The following CENPP variants were observed in gnomAD, a reference collection of about 807,000 sequenced individuals.
The protein encoded by CENPP is centromere protein P.
CENPP carries 24 observed loss-of-function variants against 35.6 expected under a neutral mutation model. That is an observed-to-expected ratio of 0.67 (90% confidence interval 0.49 to 0.95). The LOEUF (loss-of-function observed/expected upper bound fraction) is 0.95, where lower values mean the gene tolerates loss of function less well. CENPP is among the 40% of genes least tolerant of loss of function. The pLI is 0.00. For synonymous variants in CENPP, 120 were observed against 125.5 expected, an observed-to-expected ratio of 0.96 and a Z score of 0.29; for missense variants, 332 against 345.3, an observed-to-expected ratio of 0.96 and a Z score of 0.31.
chr9:92,394,807 A>G (rs1197249426), intron 5 of CENPP, among the ~76,000 whole-genome samples: 3 of 151,462 alleles, frequency 2.0e-5, no homozygotes, highest in Non-Finnish European at 4.4e-5. Context: ...GGGTTTCACC[A>G]TGTTGGCCAG....
chr9:92,510,940 G>A (rs1035605017), intron 5 of CENPP, among the ~76,000 whole-genome samples: 1 of 152,152 alleles, frequency 6.6e-6, no homozygotes, highest in Non-Finnish European at 1.5e-5. Flanking sequence ...GAATAGAAGA[G>A]ACCAGTGATT....
chr9:92,401,830 T>G (rs1843124194), intron 5 of CENPP, among the ~76,000 whole-genome samples: 1 of 152,156 alleles, frequency 6.6e-6, no homozygotes, highest in Non-Finnish European at 1.5e-5. Context: ...GAGAGTACGT[T>G]TTCTGCCATT....
rs752557762 is a variant in CENPP at position 92,393,067 on chromosome 9, A to T, written c.564+13208A>T. 1.1e-5 allele frequency: 18 copies of T among 1,602,766 alleles called. No individual in the cohort carries two copies. The Admixed American group carries it at 3.0e-4, about 27-fold the overall frequency. ...ACTAATACGAGTTAATACTAATATC[A>T]TATTTCAGCTTAACTTACGTATGTC... On this transcript the variant is annotated intron_variant, in intron 5 of 7. Coordinates refer to ENST00000375587, the MANE Select transcript of CENPP (RefSeq NM_001012267.3).
intron 5 of CENPP, among the ~76,000 whole-genome samples, chr9:92,427,227 G>A (rs139760435): frequency 0.031 from 4,717 of 152,100 alleles, 113 homozygotes; most frequent in South Asian, 0.084. Flanking sequence ...CAATGGCGCC[G>A]TCTTGGCTCA....
chr9:92,381,867 T>G (rs1043686018), intron 5 of CENPP, among the ~76,000 whole-genome samples: 6 of 151,582 alleles, frequency 4.0e-5, no homozygotes, highest in African/African-American at 7.3e-5. Context: ...TCAATTTCTC[T>G]ACAACTACTT....
intron 2 of CENPP, among the ~76,000 whole-genome samples, chr9:92,334,844 C>T (rs923800927): frequency 1.9e-4 from 28 of 150,934 alleles, no homozygotes; most frequent in African/African-American, 5.6e-4. Context: ...TGCACCACTG[C>T]GCTTCAGCCT....
intron 5 of CENPP, among the ~76,000 whole-genome samples, chr9:92,436,317 T>C (rs1844244965): frequency 1.3e-5 from 2 of 152,248 alleles, no homozygotes; most frequent in South Asian, 2.1e-4. Context: ...CTTTGTAGGA[T>C]ATGTAGTTTG....
intron 5 of CENPP, among the ~76,000 whole-genome samples, chr9:92,382,501 A>C (rs1294810663): frequency 1.3e-5 from 2 of 152,054 alleles, no homozygotes; most frequent in Non-Finnish European, 2.9e-5. Context: ...TCTCTCCCAA[A>C]AGTTTTAAAT....
intron 5 of CENPP, among the ~76,000 whole-genome samples, chr9:92,406,934 T>C (rs1195018888): frequency 6.6e-6 from 1 of 152,178 alleles, no homozygotes; most frequent in African/African-American, 2.4e-5. Flanking sequence ...ACCACTCTTA[T>C]TACATTTGAT....
chr9:92,406,255 G>T (rs989842019), intron 5 of CENPP, among the ~76,000 whole-genome samples: 5 of 152,142 alleles, frequency 3.3e-5, no homozygotes, highest in Non-Finnish European at 4.4e-5. Flanking sequence ...AGAGAGAGAA[G>T]AAGTCAGGGG....
intron 5 of CENPP, chr9:92,404,693 A>C (rs1483093786): frequency 8.1e-7 from 1 of 1,238,336 alleles, no homozygotes; most frequent in Non-Finnish European, 1.0e-6. Flanking sequence ...CTAGGGTGAA[A>C]TGCAGTGTGT....
At chr9:92,575,887 C>T (rs774664829) in intron 5 of CENPP, among the ~76,000 whole-genome samples, 18 of 151,904 alleles carry the variant, frequency 1.2e-4, no homozygotes, top group Non-Finnish European at 2.4e-4. Flanking sequence ...AAATTAGAAC[C>T]GTTGCGCGCT....
intron 5 of CENPP, chr9:92,385,434 G>T: frequency 1.9e-6 from 1 of 529,492 alleles, no homozygotes; most frequent in South Asian, 3.2e-5. Context: ...TGTTTCGAAC[G>T]TAGACATTCA....
At chr9:92,434,815 G>A (rs1844207367) in intron 5 of CENPP, among the ~76,000 whole-genome samples, 1 of 152,180 alleles carries the variant, frequency 6.6e-6, no homozygotes, top group Non-Finnish European at 1.5e-5. Flanking sequence ...GCCTGAAGCG[G>A]ACGGATCACC....
chr9:92,515,121 G>A (rs1847620081), intron 5 of CENPP: 1 of 1,613,510 alleles, frequency 6.2e-7, no homozygotes. Context: ...GAAGTAAATT[G>A]GTAGGTTCTC....
At chr9:92,562,857 G>C (rs1372082997) in intron 5 of CENPP, among the ~76,000 whole-genome samples, 1 of 152,114 alleles carries the variant, frequency 6.6e-6, no homozygotes, top group Non-Finnish European at 1.5e-5. Context: ...TCACTTATGG[G>C]GGGGATAAAG....
intron 5 of CENPP, among the ~76,000 whole-genome samples, chr9:92,601,102 T>C (rs1850905514): frequency 6.6e-6 from 1 of 152,206 alleles, no homozygotes; most frequent in Admixed American, 6.5e-5. Flanking sequence ...CCAGGAAAGT[T>C]AGGCTAATAT....
At chr9:92,554,782 C>A (rs1469470729) in intron 5 of CENPP, among the ~76,000 whole-genome samples, 1 of 152,052 alleles carries the variant, frequency 6.6e-6, no homozygotes, top group East Asian at 1.9e-4. Flanking sequence ...AGACTACAGG[C>A]GCCTGCCACT....
intron 4 of CENPP, among the ~76,000 whole-genome samples, chr9:92,351,563 G>A (rs901901095): frequency 6.6e-6 from 1 of 151,152 alleles, no homozygotes; most frequent in Non-Finnish European, 1.5e-5. Context: ...TCTACTTTTT[G>A]TCTGTGTGAT....
Sources: gnomAD v4.1 joint callset for allele counts (sites outside exome capture counted in the v4.1 genomes callset) on GRCh38, gnomAD v4.1.1 for gene constraint, MANE v1.5 for transcripts, NCBI Gene and HGNC (gene_info 2026-07-23, HGNC 2026-07-21) for gene names.